Variants in HECTD4 observed in about 807,000 individuals in gnomAD.
The protein encoded by HECTD4 is probable E3 ubiquitin-protein ligase HECTD4.
In HECTD4, 114 loss-of-function variants were observed where a neutral mutation model predicts 471.5. The ratio of observed to expected loss-of-function variants is 0.24; its 90% confidence interval spans 0.21 to 0.28. The LOEUF is 0.28. HECTD4 is among the 10% of genes least tolerant of loss of function. The pLI is 1.00. For missense variants in HECTD4, 3,866 were observed against 5,651.5 expected (o/e 0.68, Z 10.13); for synonymous variants, 2,012 against 2,256.0 (o/e 0.89, Z 3.07).
chr12:112,184,839 C>T lies in HECTD4; in HGVS notation c.10127G>A (p.Gly3376Asp). 2 of 1,607,470 alleles carry T rather than the reference C, an allele frequency of 1.2e-6. No individual in the cohort carries two copies. Among genetic ancestry groups the T allele is most frequent in the African/African-American group, 1.3e-5 (1 of 74,956 alleles). The change falls in exon 61 of 76, where the codon GGC becomes GAC. Residue 3376 changes from glycine to aspartate, a missense_variant. Physicochemically the swap from Gly to Asp is moderately conservative, Grantham distance 94. Coordinates refer to ENST00000682272, the MANE Select transcript of HECTD4 (RefSeq NM_001388303.1). This position sits in a 1 kb window ranked among gnomAD's most constrained non-coding sequence, Gnocchi z 9.1. ...HLTRKDPQGL[G>D]VTSDAIADAC... ...ATCGGCGATGGCGTCACTCGTCACG[C>T]CCAGCCCCTGTGGGTCCTTCCTGGT...
At chr12:112,177,930 A>C (rs956120147) in intron 64 of HECTD4, among the ~76,000 whole-genome samples, 1 of 152,216 alleles carries the variant, frequency 6.6e-6, no homozygotes, top group Non-Finnish European at 1.5e-5. Flanking sequence ...GTGGCTTTTC[A>C]CTGCATCTGC....
intron 8 of HECTD4, among the ~76,000 whole-genome samples, chr12:112,281,709 GTATT>G (rs1477802187): frequency 6.6e-6 from 1 of 152,114 alleles, no homozygotes; most frequent in African/African-American, 2.4e-5. Context: ...GGACTAATAA[GTATT>G]TAATTTGGTA....
chr12:112,247,939 G>T (rs2033796198), intron 27 of HECTD4, 128 bp downstream of exon 27: 2 of 610,302 alleles, frequency 3.3e-6, no homozygotes, highest in Non-Finnish European at 5.5e-6. Context: ...GTACATTTTT[G>T]GAGTGTGCAA....
intron 73 of HECTD4, 25 bp downstream of exon 73, chr12:112,164,084 G>A: frequency 7.0e-7 from 1 of 1,420,708 alleles, no homozygotes; most frequent in Non-Finnish European, 9.3e-7. Context: ...GCCCCTGCCA[G>A]CCCCTGACAC....
chr12:112,208,893 CTTTTTTT>C (rs756330403), intron 50 of HECTD4, among the ~76,000 whole-genome samples: 2 of 72,458 alleles, frequency 2.8e-5, no homozygotes, highest in African/African-American at 1.2e-4. Flanking sequence ...ACTAAACAGG[CTTTTTTT>C]TTTTTTTTTT....
At position 112,270,289 on chromosome 12, in the gene HECTD4, T is replaced by G. The variant is rs765111935; in HGVS notation, c.2113A>C (p.Met705Leu). ...AHHLSSICDI[M>L]EKAMVNGDTC... The stretch of plus-strand genomic sequence containing the variant: ...TCTCCATTAACCATGGCCTTCTCCA[T>G]AATGTCACAAATACTGCTAAGATGA... Residue 705 changes from methionine (M) to leucine (L), a missense_variant, in exon 12 of 76, where the codon ATG (methionine) becomes CTG (leucine). Physicochemically the swap from Met to Leu is conservative, Grantham distance 15. Coordinates refer to ENST00000682272, the MANE Select transcript of HECTD4 (RefSeq NM_001388303.1). 1 of 1,614,030 alleles carries G rather than the reference T, an allele frequency of 6.2e-7. No homozygotes were observed.
chr12:112,184,493 C>A lies in HECTD4; in HGVS notation c.10473G>T (p.Gln3491His). 1 of 1,608,914 alleles carries A rather than the reference C, an allele frequency of 6.2e-7. No individual in the cohort carries two copies. The highest frequency in any genetic ancestry group is 8.5e-7 in the Non-Finnish European group (1 of 1,178,102). ...TGCCCTGCGAGCTGCAGATGGAGGC[C>A]TGGCTGGTGGAGGCGGAGGCGCTGA... ...MSISASASTS[Q>H]ASICSSQGIS... The change falls in exon 61 of 76, where the codon CAG becomes CAT. Residue 3491 changes from glutamine (Q) to histidine (H), a missense_variant. Physicochemically the swap from Gln to His is conservative, Grantham distance 24 (BLOSUM62 0). Around this residue, in one of 16 missense-constraint regions of HECTD4, gnomAD observed 192 missense variants for 189.9 expected, o/e 1.01. Coordinates refer to ENST00000682272, the MANE Select transcript of HECTD4 (RefSeq NM_001388303.1). This position sits in a 1 kb window ranked among gnomAD's most constrained non-coding sequence, Gnocchi z 9.1.
At chr12:112,225,180 G>T (rs1050949622) in intron 44 of HECTD4, among the ~76,000 whole-genome samples, 2 of 151,998 alleles carry the variant, frequency 1.3e-5, no homozygotes, top group African/African-American at 4.8e-5. Context: ...AAGTAAAACG[G>T]ATACAGACAA....
chr12:112,382,350 C>A lies in HECTD4; in HGVS notation c.-222G>T. 4.9e-6 allele frequency: 2 copies of A among 406,572 alleles called. No individual in the cohort carries two copies. Among genetic ancestry groups the A allele is most frequent in the Non-Finnish European group, 8.4e-6 (2 of 238,620 alleles). The allele number at this position is 406,572 out of a possible 1,614,324, so 25.2% of individuals were successfully genotyped here. On this transcript the variant is annotated 5_prime_UTR_variant, in exon 1 of 76. Coordinates refer to ENST00000682272, the MANE Select transcript of HECTD4 (RefSeq NM_001388303.1). ...CCTGCCGCCGCCGCCGCCGCCGCCG[C>A]CGCCGCCGCCCTCAGGAGCAGGATC...
At chr12:112,344,724 G>A (rs1167516847) in intron 1 of HECTD4, among the ~76,000 whole-genome samples, 1 of 152,108 alleles carries the variant, frequency 6.6e-6, no homozygotes, top group East Asian at 1.9e-4. Flanking sequence ...TTCAAGACCA[G>A]CCTGACCAAC....
chr12:112,164,204 A>G lies in HECTD4; in HGVS notation c.12606T>C (p.Pro4202=). 6.2e-7 allele frequency: 1 copy of G among 1,613,772 alleles called. No individual in the cohort carries two copies. The highest frequency in any genetic ancestry group is 1.3e-5 in the African/African-American group (1 of 75,048). ...TGCAGCAGGGCTTGTTGGGGCTGTC[A>G]GGGCTCTCCGTGGCCAGGTGCTGGG... is the stretch of plus-strand genomic sequence containing the variant. ...IASQHLATES[P]DSPNKPCCRF... The change falls in exon 73 of 76, where the codon CCT becomes CCC. Residue 4202 remains proline (P), a synonymous_variant. Coordinates refer to ENST00000682272, the MANE Select transcript of HECTD4 (RefSeq NM_001388303.1).
chr12:112,222,483 A>G (rs1009685984), intron 44 of HECTD4, among the ~76,000 whole-genome samples: 8 of 152,200 alleles, frequency 5.3e-5, no homozygotes, highest in African/African-American at 1.7e-4. Flanking sequence ...CCTGTCCAAC[A>G]TGGTAAAACC....
At position 112,163,895 on chromosome 12, in the gene HECTD4, C is replaced by T. The variant is rs950826987; in HGVS notation, c.12702-158G>A. 7.2e-5 allele frequency among the ~76,000 whole-genome samples: 11 copies of T among 152,188 alleles called. No homozygotes were observed. The highest frequency in any genetic ancestry group is 4.1e-4 in the South Asian group (2 of 4,832). Reference sequence around the variant, plus strand: ...AGTCCTTTCCTGCCTCTGGTGCCGCCGCCTCAGAGCTGCTGTTTTCTTAGT... The same window carrying T: ...AGTCCTTTCCTGCCTCTGGTGCCGCTGCCTCAGAGCTGCTGTTTTCTTAGT... On this transcript the variant is annotated intron_variant, in intron 73 of 75. Coordinates refer to ENST00000682272, the MANE Select transcript of HECTD4 (RefSeq NM_001388303.1). This position sits in a 1 kb window ranked among gnomAD's most constrained non-coding sequence, Gnocchi z 8.2.
intron 1 of HECTD4, among the ~76,000 whole-genome samples, chr12:112,326,764 A>G (rs1389860134): frequency 6.6e-6 from 1 of 152,214 alleles, no homozygotes; most frequent in Non-Finnish European, 1.5e-5. Context: ...TCCTGTAAGG[A>G]TAAACATCGA....
chr12:112,337,300 C>CTTGATGAGT (rs1171260838), intron 1 of HECTD4, among the ~76,000 whole-genome samples: 18 of 152,262 alleles, frequency 1.2e-4, no homozygotes, highest in Non-Finnish European at 2.4e-4. Flanking sequence ...ATATTTTTAT[C>CTTGATGAGT]ATCAAATGAT....
rs906631199 is a variant in HECTD4 at position 112,207,911 on chromosome 12, T to C, written c.8094A>G (p.Lys2698=). The change falls in exon 52 of 76, where the codon AAA becomes AAG. Residue 2698 remains lysine, a synonymous_variant. Coordinates refer to ENST00000682272, the MANE Select transcript of HECTD4 (RefSeq NM_001388303.1). ...CCCCCTTTATCTGGTCCAGGCCCGA[T>C]TTCCGCTCTGCTTCATTGCGGAAGC... The part of the protein sequence containing the change: ...RRRFRNEAER[K]SGLDQIKGAL... The C allele has an allele frequency of 1.9e-6, 3 of 1,613,878 alleles. No individual in the cohort carries two copies. In the African/African-American group the frequency reaches 4.0e-5, roughly 22 times the overall value.
chr12:112,208,942 C>A (rs1756442351), intron 50 of HECTD4, among the ~76,000 whole-genome samples: 1 of 117,250 alleles, frequency 8.5e-6, no homozygotes. Context: ...CACTCTGTTG[C>A]CTAGGCTGGC....
intron 8 of HECTD4, among the ~76,000 whole-genome samples, chr12:112,282,327 G>A (rs968783566): frequency 5.5e-4 from 84 of 152,062 alleles, no homozygotes; most frequent in Admixed American, 5.4e-3. Context: ...AGCTTGCAGT[G>A]AGCTGAGATC....
chr12:112,291,384 A>G lies in HECTD4; in HGVS notation c.1336-8082T>C, dbSNP rs887241968. 1.8e-4 allele frequency among the ~76,000 whole-genome samples: 28 copies of G among 152,262 alleles called. No individual in the cohort carries two copies. In the East Asian group the frequency reaches 2.3e-3, roughly 13 times the overall value. ...TGTAATCACACTTATTATTAGCAAT[A>G]ATTCTTGACATCATCTAATATTGAG... On this transcript the variant is annotated intron_variant, in intron 7 of 75. Transcript: ENST00000682272.
Sources: allele counts gnomAD v4.1 joint callset (sites outside exome capture counted in the v4.1 genomes callset), GRCh38; gene constraint gnomAD v4.1.1; regional missense constraint gnomAD v4.1.1; non-coding constraint Gnocchi (gnomAD v3.1); transcripts MANE v1.5; gene names NCBI Gene and HGNC (gene_info 2026-07-23, HGNC 2026-07-21).